Variants in SLC39A11 observed in about 807,000 individuals in gnomAD.
SLC39A11 encodes solute carrier family 39 member 11, also known as zinc transporter ZIP11.
A neutral mutation model predicts 36.1 loss-of-function variants in SLC39A11; 33 were observed. The observed-to-expected ratio is 0.91, with a 90% CI of 0.69 to 1.22. SLC39A11 has a LOEUF of 1.22. Among genes scored for constraint, SLC39A11 ranks in the 50% most tolerant of loss-of-function variants. SLC39A11 has a pLI of 0.00. For missense variants in SLC39A11, 432 were observed against 430.3 expected (o/e 1.00, Z -0.03); for synonymous variants, 166 against 170.3 (o/e 0.97, Z 0.20).
chr17:73,050,168 A>G (rs1415837042), intron 3 of SLC39A11, among the ~76,000 whole-genome samples: 1 of 152,020 alleles, frequency 6.6e-6, no homozygotes, highest in Non-Finnish European at 1.5e-5. Context: ...GGAGAGTAAC[A>G]GTGTGGACTC....
At chr17:72,702,028 C>T (rs1252256223) in intron 7 of SLC39A11, among the ~76,000 whole-genome samples, 2 of 152,344 alleles carry the variant, frequency 1.3e-5, no homozygotes, top group Non-Finnish European at 2.9e-5. Context: ...ATTGCCTGAG[C>T]CTGGGAGATG....
intron 4 of SLC39A11, among the ~76,000 whole-genome samples, chr17:72,999,453 T>C (rs1203456301): frequency 6.6e-6 from 1 of 152,178 alleles, no homozygotes; most frequent in East Asian, 1.9e-4. Context: ...AAAGATCCGC[T>C]CCAGGCTGCT....
chr17:72,982,184 G>T (rs868487416), intron 4 of SLC39A11, among the ~76,000 whole-genome samples: 1 of 151,972 alleles, frequency 6.6e-6, no homozygotes, highest in African/African-American at 2.4e-5. Flanking sequence ...ATAGGGATGG[G>T]GTATGGATAA....
intron 4 of SLC39A11, among the ~76,000 whole-genome samples, chr17:73,014,380 G>C (rs901633976): frequency 6.6e-6 from 1 of 152,126 alleles, no homozygotes; most frequent in Non-Finnish European, 1.5e-5. Context: ...AACTAGATAC[G>C]GGCACAGTGC....
intron 7 of SLC39A11, among the ~76,000 whole-genome samples, chr17:72,706,245 C>G (rs1407153886): frequency 6.6e-6 from 1 of 152,176 alleles, no homozygotes; most frequent in Non-Finnish European, 1.5e-5. Context: ...AAACTTGAGT[C>G]TCTGCGGTTT....
chr17:72,909,926 A>AT (rs934808309), intron 5 of SLC39A11, among the ~76,000 whole-genome samples: 2 of 148,044 alleles, frequency 1.4e-5, no homozygotes, highest in African/African-American at 2.5e-5. Flanking sequence ...TTTTTTTTGT[A>AT]TTTTTTTAGT....
intron 5 of SLC39A11, among the ~76,000 whole-genome samples, chr17:72,924,392 A>C (rs2083908987): frequency 6.6e-6 from 1 of 152,006 alleles, no homozygotes; most frequent in African/African-American, 2.4e-5. Context: ...CCAGAAGGAG[A>C]GATATGTCTG....
At chr17:72,658,114 C>A (rs2070226601) in intron 7 of SLC39A11, among the ~76,000 whole-genome samples, 1 of 152,184 alleles carries the variant, frequency 6.6e-6, no homozygotes, top group Admixed American at 6.5e-5. Context: ...CCAGAGGTGA[C>A]CTGTAAGGAA....
At chr17:72,918,177 G>A (rs993140352) in intron 5 of SLC39A11, among the ~76,000 whole-genome samples, 2 of 152,236 alleles carry the variant, frequency 1.3e-5, no homozygotes, top group Admixed American at 6.5e-5. Context: ...GGGAGGCCGA[G>A]GCGGGTGGAT....
chr17:72,720,541 C>T (rs2073617699), intron 7 of SLC39A11, among the ~76,000 whole-genome samples: 1 of 152,086 alleles, frequency 6.6e-6, no homozygotes, highest in African/African-American at 2.4e-5. Context: ...GAGTGCTTGT[C>T]CTGGACCTGA....
At chr17:72,926,172 G>A (rs2084037297) in intron 5 of SLC39A11, among the ~76,000 whole-genome samples, 1 of 152,154 alleles carries the variant, frequency 6.6e-6, no homozygotes, top group South Asian at 2.1e-4. Flanking sequence ...ATCTTTGTGA[G>A]CCATCTAACA....
chr17:72,840,949 C>T (rs1054742015), intron 6 of SLC39A11, among the ~76,000 whole-genome samples: 15 of 150,148 alleles, frequency 1.0e-4, no homozygotes, highest in Admixed American at 9.3e-4. Flanking sequence ...CAGCTACTGG[C>T]GAGGCTGAGG....
At chr17:72,944,181 A>T (rs2085284209) in intron 5 of SLC39A11, among the ~76,000 whole-genome samples, 1 of 152,196 alleles carries the variant, frequency 6.6e-6, no homozygotes, top group Non-Finnish European at 1.5e-5. Context: ...CTGCCAGTTG[A>T]CTTGACTCCC....
At chr17:72,725,367 A>G (rs1046609122) in intron 7 of SLC39A11, 6 of 152,200 alleles carry the variant, frequency 3.9e-5, no homozygotes, top group Non-Finnish European at 7.3e-5. Flanking sequence ...TATTCCCAAC[A>G]TGGGAAAATA....
chr17:72,920,916 T>G (rs2083631417), intron 5 of SLC39A11, among the ~76,000 whole-genome samples: 1 of 152,122 alleles, frequency 6.6e-6, no homozygotes, highest in Non-Finnish European at 1.5e-5. Context: ...TATCTGCTGT[T>G]TCTTTCTCCT....
rs142268813 is a variant in SLC39A11, at chr17:72,984,765, C to T, written c.307-36890G>A. Among the ~76,000 whole-genome samples the T allele has an allele frequency of 1.8e-3, 280 of 152,330 alleles. 2 individuals carry two copies. The highest frequency in any genetic ancestry group is 6.5e-3 in the African/African-American group (271 of 41,564). ...ATCTGGTTACCATTCCTGTGTGCCA[C>T]AAAGTATTTTATCAGGCTCTGAGTC... On this transcript the variant is annotated intron_variant, in intron 4 of 9. Transcript: ENST00000255559.
At chr17:72,755,115 TG>T (rs2075321058) in intron 6 of SLC39A11, among the ~76,000 whole-genome samples, 1 of 152,070 alleles carries the variant, frequency 6.6e-6, no homozygotes, top group Non-Finnish European at 1.5e-5. Flanking sequence ...GTGTGGCCCA[TG>T]AACAGGGATG....
rs56021607 is a variant in SLC39A11 at position 73,062,475 on chromosome 17, A to AAAAAAAAAAAAC, written c.147+22332_147+22333insGTTTTTTTTTTT. Among the ~76,000 whole-genome samples, 54 of 87,014 alleles carry AAAAAAAAAAAAC rather than the reference A, an allele frequency of 6.2e-4. 3 individuals are homozygous for AAAAAAAAAAAAC. Among genetic ancestry groups the AAAAAAAAAAAAC allele is most frequent in the South Asian group, 1.8e-3 (4 of 2,236 alleles). The allele number at this position is 87,014 out of a possible 152,430, so 57.1% of individuals were successfully genotyped here. A position where few individuals can be genotyped will look rare whatever the true frequency, so the allele number is the denominator to read the frequency against. The stretch of plus-strand genomic sequence containing the variant: ...AGAGCTTGTCTCAAAAAAAAAAAAA[A>AAAAAAAAAAAAC]AAACTTTAGGTGATACACTTCTGCT... On this transcript the variant is annotated intron_variant, in intron 3 of 9. Coordinates refer to ENST00000255559, the MANE Select transcript of SLC39A11 (RefSeq NM_139177.4).
chr17:73,015,070 G>A (rs973622270), intron 4 of SLC39A11, among the ~76,000 whole-genome samples: 4 of 152,090 alleles, frequency 2.6e-5, no homozygotes, highest in Non-Finnish European at 4.4e-5. Context: ...TCCCTTCCAC[G>A]CCCATCTATC....
Sources: gnomAD v4.1 joint callset for allele counts (sites outside exome capture counted in the v4.1 genomes callset) on GRCh38, gnomAD v4.1.1 for gene constraint, MANE v1.5 for transcripts, NCBI Gene and HGNC (gene_info 2026-07-23, HGNC 2026-07-21) for gene names.